Variants in CLSTN2 observed in about 807,000 individuals in gnomAD.
The protein encoded by CLSTN2 is calsyntenin 2, also known as calsyntenin-2.
CLSTN2 carries 48 observed loss-of-function variants against 101.2 expected under a neutral mutation model. The ratio of observed to expected loss-of-function variants is 0.47; its 90% CI spans 0.38 to 0.60. The LOEUF (loss-of-function observed/expected upper bound fraction) is 0.60, where lower values mean the gene tolerates loss of function less well. CLSTN2 is among the 20% of genes least tolerant of loss of function. The probability of loss-of-function intolerance (pLI) is 0.00; values close to 1 mark genes in which losing one functional copy is unlikely to be tolerated. For synonymous variants in CLSTN2, 481 were observed against 463.6 expected (o/e 1.04, Z -0.48); for missense variants, 1,160 against 1,238.2 (o/e 0.94, Z 0.95).
intron 2 of CLSTN2, among the ~76,000 whole-genome samples, chr3:140,320,936 G>A (rs78404444): frequency 0.055 from 8,384 of 152,172 alleles, 491 homozygotes; most frequent in African/African-American, 0.15. Flanking sequence ...GAACAGAGGG[G>A]ACAGCAAATA....
chr3:140,425,903 T>C (rs1002153649), intron 5 of CLSTN2, among the ~76,000 whole-genome samples: 1 of 152,206 alleles, frequency 6.6e-6, no homozygotes, highest in East Asian at 1.9e-4. Flanking sequence ...GCTCAAAGCA[T>C]AAGCCAGACC....
chr3:139,955,754 G>T (rs1460220747), intron 1 of CLSTN2, among the ~76,000 whole-genome samples: 1 of 152,140 alleles, frequency 6.6e-6, no homozygotes, highest in African/African-American at 2.4e-5. Context: ...TCCTGACCTT[G>T]ACATTAGCTA....
chr3:140,273,950 G>A (rs2086768708), intron 2 of CLSTN2, among the ~76,000 whole-genome samples: 1 of 152,136 alleles, frequency 6.6e-6, no homozygotes, highest in Admixed American at 6.5e-5. Flanking sequence ...TTTGATAGTT[G>A]AACGCACAGA....
intron 1 of CLSTN2, among the ~76,000 whole-genome samples, chr3:140,150,864 C>T (rs2009853823): frequency 6.6e-6 from 1 of 152,080 alleles, no homozygotes; most frequent in Admixed American, 6.6e-5. Context: ...TGGTGCAATT[C>T]CCAGTACATA....
chr3:140,261,157 G>T (rs941176482), intron 2 of CLSTN2, among the ~76,000 whole-genome samples: 1 of 151,010 alleles, frequency 6.6e-6, no homozygotes, highest in Admixed American at 6.6e-5. Context: ...CACCTTCTTG[G>T]GGGTTATGCA....
At chr3:140,119,529 T>C (rs1220849654) in intron 1 of CLSTN2, among the ~76,000 whole-genome samples, 1 of 152,204 alleles carries the variant, frequency 6.6e-6, no homozygotes, top group African/African-American at 2.4e-5. Flanking sequence ...TTTTGTTTTG[T>C]TTTAAGACAG....
chr3:140,042,520 C>CTTT (rs1320911708), intron 1 of CLSTN2, among the ~76,000 whole-genome samples: 6 of 151,936 alleles, frequency 3.9e-5, no homozygotes, highest in African/African-American at 1.5e-4. Flanking sequence ...GCTGTAGTTT[C>CTTT]TTTTATTATT....
chr3:140,362,654 T>G (rs1001197366), intron 2 of CLSTN2, among the ~76,000 whole-genome samples: 1 of 152,028 alleles, frequency 6.6e-6, no homozygotes, highest in Non-Finnish European at 1.5e-5. Flanking sequence ...ATGGGAAAAA[T>G]GTTTGAATAG....
intron 1 of CLSTN2, among the ~76,000 whole-genome samples, chr3:140,036,559 G>A (rs2007658325): frequency 1.3e-5 from 2 of 152,042 alleles, no homozygotes; most frequent in South Asian, 4.2e-4. Flanking sequence ...CCCAAAATGT[G>A]CACAACTCAG....
At chr3:140,480,557 C>T (rs1451636394) in intron 8 of CLSTN2, among the ~76,000 whole-genome samples, 6 of 152,136 alleles carry the variant, frequency 3.9e-5, no homozygotes, top group East Asian at 3.9e-4. Flanking sequence ...TTTACAGTCC[C>T]GCCAACAGTG....
intron 8 of CLSTN2, among the ~76,000 whole-genome samples, chr3:140,485,311 C>G (rs1934213887): frequency 6.6e-6 from 1 of 152,198 alleles, no homozygotes; most frequent in Non-Finnish European, 1.5e-5. Context: ...GATTGTTCCT[C>G]TGGAAGTTTT....
chr3:140,057,930 G>A (rs763104507), intron 1 of CLSTN2, among the ~76,000 whole-genome samples: 14 of 152,144 alleles, frequency 9.2e-5, no homozygotes, highest in Non-Finnish European at 1.3e-4. Flanking sequence ...TCTAACAAAT[G>A]GCTAAGGCAA....
At chr3:139,954,177 G>A (rs1294914068) in intron 1 of CLSTN2, among the ~76,000 whole-genome samples, 4 of 152,092 alleles carry the variant, frequency 2.6e-5, no homozygotes, top group African/African-American at 7.2e-5. Flanking sequence ...AAAATATTTT[G>A]TAGTAGAGTA....
In CLSTN2 at chr3:140,043,977, C is replaced by A. The variant is rs188904094; in HGVS notation, c.109+108494C>A. Among the ~76,000 whole-genome samples, 99 of 152,274 alleles carry A rather than the reference C, an allele frequency of 6.5e-4. 1 individual carries two copies. Among genetic ancestry groups the A allele is most frequent in the African/African-American group, 2.2e-3 (93 of 41,550 alleles). Reference sequence around the variant, plus strand: ...GTAGCGTGATGCCTCCAGCTTTATTCTTTTGGGTTAGGATTGTCATGGCAA... The same window carrying A: ...GTAGCGTGATGCCTCCAGCTTTATTATTTTGGGTTAGGATTGTCATGGCAA... On this transcript the variant is annotated intron_variant, in intron 1 of 16. Transcript: ENST00000458420.
intron 6 of CLSTN2, among the ~76,000 whole-genome samples, chr3:140,451,998 G>A (rs1180589018): frequency 6.6e-6 from 1 of 152,186 alleles, no homozygotes; most frequent in African/African-American, 2.4e-5. Context: ...GACAGGCTTG[G>A]AGACAGAAAT....
chr3:140,240,006 G>A (rs1421607079), intron 2 of CLSTN2, among the ~76,000 whole-genome samples: 8 of 149,970 alleles, frequency 5.3e-5, no homozygotes, highest in Non-Finnish European at 1.0e-4. Flanking sequence ...TCATTGCAGA[G>A]GGCAGGATAT....
chr3:140,510,391 C>T (rs114190164), intron 8 of CLSTN2, among the ~76,000 whole-genome samples: 9 of 152,168 alleles, frequency 5.9e-5, no homozygotes, highest in Admixed American at 2.6e-4. Flanking sequence ...AGTCGCAGCA[C>T]GGTGCTAGAG....
intron 8 of CLSTN2, among the ~76,000 whole-genome samples, chr3:140,527,379 TATC>T (rs1474683893): frequency 6.6e-6 from 1 of 151,820 alleles, no homozygotes; most frequent in Non-Finnish European, 1.5e-5. Context: ...CACAAAGAAA[TATC>T]ATCTCATACC....
intron 10 of CLSTN2, among the ~76,000 whole-genome samples, chr3:140,552,401 T>TAA (rs5852986): frequency 0.026 from 3,664 of 138,812 alleles, 62 homozygotes; most frequent in Middle Eastern, 0.056. Flanking sequence ...TACCGCAGTT[T>TAA]AAAAAAAAAA....
Sources: gnomAD v4.1 joint callset for allele counts (sites outside exome capture counted in the v4.1 genomes callset) on GRCh38, gnomAD v4.1.1 for gene constraint, MANE v1.5 for transcripts, NCBI Gene and HGNC (gene_info 2026-07-23, HGNC 2026-07-21) for gene names.